ERBB2: variants seen among roughly 807,000 people sequenced by gnomAD.
The protein encoded by ERBB2 is receptor tyrosine-protein kinase erbB-2.
In ERBB2, 61 loss-of-function variants were observed where a neutral mutation model predicts 149.0. That is an observed-to-expected ratio of 0.41 (90% CI 0.33 to 0.51). The LOEUF is 0.51. Among genes scored for constraint, ERBB2 ranks in the 20% least tolerant of loss-of-function variants. The pLI, the probability that ERBB2 is intolerant of heterozygous loss-of-function variation, is 0.25. For synonymous variants in ERBB2, 633 were observed against 678.8 expected, an observed-to-expected ratio of 0.93 and a Z score of 1.05; for missense variants, 1,205 against 1,655.1, an observed-to-expected ratio of 0.73 and a Z score of 4.72.
rs770197622 is a variant in ERBB2 at position 39,726,850 on chromosome 17, C to T, written c.3006C>T (p.Ser1002=). ...TGGGCCCAGCCAGTCCCTTGGACAG[C>T]ACCTTCTACCGCTCACTGCTGGAGG... is the stretch of plus-strand genomic sequence containing the variant. The part of the protein sequence containing the change: ...EDLGPASPLD[S]TFYRSLLEDD... The change falls in exon 25 of 27, where the codon AGC becomes AGT. Residue 1002 remains serine (S), a synonymous_variant. Transcript: ENST00000269571. The surrounding 1 kb of genome is among the most constrained non-coding windows in gnomAD (Gnocchi z 5.1). 3 of 1,613,266 alleles carry T rather than the reference C, an allele frequency of 1.9e-6. No individual in the cohort carries two copies. Among genetic ancestry groups the T allele is most frequent in the South Asian group, 2.2e-5 (2 of 91,000 alleles).
In ERBB2 at chr17:39,715,890, C is replaced by T. The variant is rs768374532; in HGVS notation, c.1464C>T (p.Asn488=). The T allele has an allele frequency of 4.3e-6, 7 of 1,612,372 alleles. No individual in the cohort carries two copies. The highest frequency in any genetic ancestry group is 3.3e-5 in the Admixed American group (2 of 60,024). The change falls in exon 12 of 27, where the codon AAC becomes AAT. Residue 488 remains asparagine (N), a synonymous_variant. Coordinates refer to ENST00000269571, the MANE Select transcript of ERBB2 (RefSeq NM_004448.4). ...HTVPWDQLFR[N]PHQALLHTAN... ...TGCCCTGGGACCAGCTCTTTCGGAA[C>T]CCGCACCAAGCTCTGCTCCACACTG...
chr17:39,726,483 A>ACTGGAGGGGGAGTGG lies in ERBB2; in HGVS notation c.2873-78_2873-64dup. 8.3e-7 allele frequency: 1 copy of ACTGGAGGGGGAGTGG among 1,201,532 alleles called. No homozygotes were observed. The highest frequency in any genetic ancestry group is 1.2e-6 in the Non-Finnish European group (1 of 814,048). 74.4% of individuals were successfully genotyped at this position (1,201,532 alleles called of 1,614,324 possible). On this transcript the variant is annotated intron_variant, in intron 23 of 26. Coordinates refer to ENST00000269571, the MANE Select transcript of ERBB2 (RefSeq NM_004448.4). This position sits in a 1 kb window ranked among gnomAD's most constrained non-coding sequence, Gnocchi z 5.1. Reference sequence around the variant, plus strand: ...TGTCCCTTGGGACTGTCTAGACCAGACTGGAGGGGGAGTGGGAGGGGAGAG... The same window carrying ACTGGAGGGGGAGTGG: ...TGTCCCTTGGGACTGTCTAGACCAGACTGGAGGGGGAGTGGCTGGAGGGGGAGTGGGAGGGGAGAG...
chr17:39,725,717 G>A lies in ERBB2; in HGVS notation c.2736G>A (p.Val912=), dbSNP rs2143060542. 2 of 1,612,936 alleles carry A rather than the reference G, an allele frequency of 1.2e-6. No homozygotes were observed. Among genetic ancestry groups the A allele is most frequent in the Non-Finnish European group, 1.7e-6 (2 of 1,179,438 alleles). ...CTGTCTCTGCCTTAGGTGTGACTGT[G>A]TGGGAGCTGATGACTTTTGGGGCCA... The part of the protein sequence containing the change: ...QSDVWSYGVT[V]WELMTFGAKP... Residue 912 remains valine (V), a synonymous_variant, in exon 23 of 27, where the codon GTG becomes GTA. Transcript: ENST00000269571. This position sits in a 1 kb window ranked among gnomAD's most constrained non-coding sequence, Gnocchi z 4.6.
chr17:39,694,480 A>G (rs2057816603), upstream of ERBB2, among the ~76,000 whole-genome samples: 1 of 151,154 alleles, frequency 6.6e-6, no homozygotes, highest in Non-Finnish European at 1.5e-5. Flanking sequence ...AATGATAGAG[A>G]CTCAGACTAG....
In ERBB2 at chr17:39,723,562, G is replaced by A. The variant is rs868026167; in HGVS notation, c.2110G>A (p.Gly704Arg). ...TELVEPLTPS[G>R]AMPNQAQMRI... ...GCTGGTGGAGCCGCTGACACCTAGC[G>A]GAGCGATGCCCAACCAGGCGCAGAT... The change falls in exon 18 of 27, where the codon GGA (glycine) becomes AGA (arginine). Residue 704 changes from glycine (G) to arginine (R), a missense_variant. By Grantham distance (125) the Gly-to-Arg change is moderately radical (BLOSUM62 -2). This residue lies in a region of ERBB2 where 152 missense variants were observed against 318.1 expected (regional missense o/e 0.48). Coordinates refer to ENST00000269571, the MANE Select transcript of ERBB2 (RefSeq NM_004448.4). This position sits in a 1 kb window ranked among gnomAD's most constrained non-coding sequence, Gnocchi z 6.2. 3 of 1,611,290 alleles carry A rather than the reference G, an allele frequency of 1.9e-6. No individual in the cohort carries two copies. The highest frequency in any genetic ancestry group is 1.7e-6 in the Non-Finnish European group (2 of 1,178,838).
In ERBB2 at chr17:39,703,928, G is replaced by T. The variant is rs577272317; in HGVS notation, c.74-3062G>T. Among the ~76,000 whole-genome samples, 15 of 152,310 alleles carry T rather than the reference G, an allele frequency of 9.8e-5. 1 individual carries two copies. In the South Asian group the frequency reaches 3.1e-3, roughly 32 times the overall value. On this transcript the variant is annotated intron_variant, in intron 1 of 26. Coordinates refer to ENST00000269571, the MANE Select transcript of ERBB2 (RefSeq NM_004448.4). ...TTGGCTTTTCTGCTGTGAGCAAGAGGAGCAGCTGGGGCTGCAAGCTGGTGG... is the reference window on the plus strand; with the variant it reads ...TTGGCTTTTCTGCTGTGAGCAAGAGTAGCAGCTGGGGCTGCAAGCTGGTGG...
chr17:39,716,052 C>T (rs1480390413), intron 12 of ERBB2, 113 bp downstream of exon 12: 1 of 1,164,304 alleles, frequency 8.6e-7, no homozygotes, highest in African/African-American at 1.5e-5. Context: ...CTCTGTGCAC[C>T]CTTCTTGACT....
chr17:39,694,246 T>TACAC (rs1567887971), upstream of ERBB2, among the ~76,000 whole-genome samples: 2 of 27,498 alleles, frequency 7.3e-5, no homozygotes, highest in African/African-American at 2.1e-4. Context: ...TATATATATA[T>TACAC]ATATATATAT....
At chr17:39,709,565 C>A in intron 4 of ERBB2, 113 bp downstream of exon 4, 1 of 1,240,810 alleles carries the variant, frequency 8.1e-7, no homozygotes, top group South Asian at 1.3e-5. Flanking sequence ...CCTACACCAC[C>A]CATTTCCTCC....
intron 1 of ERBB2, among the ~76,000 whole-genome samples, chr17:39,702,217 C>T (rs911793872): frequency 3.3e-5 from 5 of 152,196 alleles, no homozygotes; most frequent in Admixed American, 6.5e-5. Context: ...GGAGGATCAC[C>T]TGAGCCCAGG....
chr17:39,722,831 C>T (rs1284679906), intron 16 of ERBB2, among the ~76,000 whole-genome samples: 2 of 152,046 alleles, frequency 1.3e-5, no homozygotes, highest in Non-Finnish European at 2.9e-5. Flanking sequence ...ATTCTCCTGC[C>T]TCAGTCTCCC....
chr17:39,695,939 C>G (rs970302830), upstream of ERBB2, among the ~76,000 whole-genome samples: 1 of 152,272 alleles, frequency 6.6e-6, no homozygotes, highest in Middle Eastern at 3.4e-3. Flanking sequence ...GCAAAACACA[C>G]GCATCTGCCC....
At chr17:39,691,912 T>G (rs1029126809), upstream of ERBB2, among the ~76,000 whole-genome samples, 12 of 101,594 alleles carry the variant, frequency 1.2e-4, no homozygotes, top group African/African-American at 3.0e-4. Flanking sequence ...TATATATACA[T>G]ATACATATAC....
Position 39,707,094 on chromosome 17 carries a change from C to G in ERBB2, c.178C>G (p.Leu60Val), listed in dbSNP as rs1332501526. 16 of 1,605,604 alleles carry G rather than the reference C, an allele frequency of 1.0e-5. No individual in the cohort carries two copies. The highest frequency in any genetic ancestry group is 1.3e-5 in the Non-Finnish European group (15 of 1,176,100). ...YQGCQVVQGN[L>V]ELTYLPTNAS... is the part of the protein sequence containing the mutation. ...GGGCTGCCAGGTGGTGCAGGGAAAC[C>G]TGGAACTCACCTACCTGCCCACCAA... The change falls in exon 2 of 27, where the codon CTG (leucine) becomes GTG (valine). Residue 60 changes from leucine (L) to valine (V), a missense_variant. Leu to Val is a conservative substitution (Grantham distance 32, BLOSUM62 1). This residue lies in a region of ERBB2 where 101 missense variants were observed against 95.1 expected (regional missense o/e 1.06). Transcript: ENST00000269571.
upstream of ERBB2, among the ~76,000 whole-genome samples, chr17:39,695,788 G>C (rs1396580731): frequency 1.4e-5 from 2 of 141,536 alleles, no homozygotes; most frequent in Non-Finnish European, 3.0e-5. Flanking sequence ...CTCCATGGCT[G>C]GTCAATGATT....
chr17:39,699,326 T>C (rs2057957042), upstream of ERBB2, among the ~76,000 whole-genome samples: 1 of 152,074 alleles, frequency 6.6e-6, no homozygotes, highest in Non-Finnish European at 1.5e-5. Context: ...CTGGTCATGG[T>C]GGCACATGCC....
intron 1 of ERBB2, among the ~76,000 whole-genome samples, chr17:39,700,781 C>A (rs2058058671): frequency 6.6e-6 from 1 of 152,014 alleles, no homozygotes; most frequent in Non-Finnish European, 1.5e-5. Flanking sequence ...CCCCTTCAGA[C>A]GATTTTGGTT....
rs565582943 is a variant in ERBB2, at chr17:39,716,429, C to T, written c.1642C>T (p.Gln548Ter). The change falls in exon 13 of 27, where the codon CAG becomes TAG. Residue 548 changes from glutamine (Q) to a stop codon, truncating the protein, a stop_gained. Transcript: ENST00000269571. LOFTEE classifies it high-confidence loss of function. The stretch of plus-strand genomic sequence containing the variant: ...GTGCGTGGAGGAATGCCGAGTACTG[C>T]AGGGGTATGAGGGGCGGAGGAGAGG... ...QECVEECRVL[Q>*]GLPREYVNAR... 6.2e-7 allele frequency: 1 copy of T among 1,611,556 alleles called. No individual in the cohort carries two copies. The highest frequency in any genetic ancestry group is 1.1e-5 in the South Asian group (1 of 90,966).
Position 39,724,821 on chromosome 17 carries a change from GCC to G in ERBB2, c.2405_2406del (p.Pro802LeufsTer71). ...CGGTGCAGCTGGTGACACAGCTTATGCCCTATGGCTGCCTCTTAGACCATGTC... is the reference window on the plus strand; with the variant it reads ...CGGTGCAGCTGGTGACACAGCTTATGCTATGGCTGCCTCTTAGACCATGTC... ...STVQLVTQLM[P>X]YGCLLDHVRE... On this transcript the variant is annotated frameshift_variant, in exon 20 of 27. Coordinates refer to ENST00000269571, the MANE Select transcript of ERBB2 (RefSeq NM_004448.4). LOFTEE classifies it high-confidence loss of function. The G allele has an allele frequency of 4.3e-6, 7 of 1,614,230 alleles. No homozygotes were observed. The highest frequency in any genetic ancestry group is 5.9e-6 in the Non-Finnish European group (7 of 1,180,044).
Sources: gnomAD v4.1 joint callset for allele counts (sites outside exome capture counted in the v4.1 genomes callset) on GRCh38, gnomAD v4.1.1 for gene constraint, gnomAD v4.1.1 regional missense constraint, Gnocchi (gnomAD v3.1) non-coding constraint, MANE v1.5 for transcripts, NCBI Gene and HGNC (gene_info 2026-07-23, HGNC 2026-07-21) for gene names.